Variants in CDH12 observed in about 807,000 individuals in gnomAD.
CDH12 encodes the protein cadherin 12, also known as cadherin-12.
A neutral mutation model predicts 74.1 loss-of-function variants in CDH12; 41 were observed. That is an observed-to-expected ratio of 0.55 (90% confidence interval 0.43 to 0.72). The LOEUF (loss-of-function observed/expected upper bound fraction) is 0.72. Among genes scored for constraint, CDH12 ranks in the 30% least tolerant of loss-of-function variants. CDH12 has a pLI of 0.00. For missense variants in CDH12, 945 were observed against 977.2 expected, an observed-to-expected ratio of 0.97 and a Z score of 0.44; for synonymous variants, 399 against 355.0, an observed-to-expected ratio of 1.12 and a Z score of -1.39.
chr5:22,276,490 A>G (rs758158226), intron 3 of CDH12, among the ~76,000 whole-genome samples: 1 of 152,228 alleles, frequency 6.6e-6, no homozygotes, highest in Non-Finnish European at 1.5e-5. Context: ...GTCTACTTTT[A>G]AAAACTCATC....
intron 5 of CDH12, among the ~76,000 whole-genome samples, chr5:22,051,823 TG>T (rs1489754928): frequency 6.6e-6 from 1 of 152,004 alleles, no homozygotes; most frequent in Non-Finnish European, 1.5e-5. Flanking sequence ...GAAAAAGAGC[TG>T]GACAGCCCTT....
intron 1 of CDH12, among the ~76,000 whole-genome samples, chr5:22,523,301 C>T (rs1737130636): frequency 6.6e-6 from 1 of 152,082 alleles, no homozygotes; most frequent in Non-Finnish European, 1.5e-5. Flanking sequence ...TATGCAAATT[C>T]TATATCTATA....
chr5:22,180,908 T>G (rs1749609169), intron 4 of CDH12, among the ~76,000 whole-genome samples: 1 of 152,108 alleles, frequency 6.6e-6, no homozygotes, highest in African/African-American at 2.4e-5. Context: ...AGTCACATTA[T>G]TTGTTAGACA....
intron 5 of CDH12, among the ~76,000 whole-genome samples, chr5:22,014,122 G>A (rs1737460212): frequency 6.6e-6 from 1 of 152,138 alleles, no homozygotes; most frequent in Non-Finnish European, 1.5e-5. Flanking sequence ...AGCTACTTGG[G>A]AGGCTGAAGA....
chr5:22,824,052 C>A (rs1286057665), intron 1 of CDH12, among the ~76,000 whole-genome samples: 3 of 151,930 alleles, frequency 2.0e-5, no homozygotes, highest in African/African-American at 7.3e-5. Flanking sequence ...GATAATAACT[C>A]CAAGAACATA....
chr5:22,635,900 G>A (rs1389886115), intron 1 of CDH12, among the ~76,000 whole-genome samples: 2 of 151,826 alleles, frequency 1.3e-5, no homozygotes, highest in African/African-American at 4.8e-5. Context: ...GCCACAGAAT[G>A]AGACTCCATC....
At chr5:21,782,454 G>A (rs779210672) in intron 11 of CDH12, among the ~76,000 whole-genome samples, 20 of 152,146 alleles carry the variant, frequency 1.3e-4, no homozygotes, top group Non-Finnish European at 2.4e-4. Flanking sequence ...CACTGAGTTG[G>A]ACTGATCAAA....
chr5:21,906,606 G>A (rs1753652301), intron 6 of CDH12, among the ~76,000 whole-genome samples: 1 of 152,030 alleles, frequency 6.6e-6, no homozygotes, highest in Non-Finnish European at 1.5e-5. Context: ...ACTCCCAAAA[G>A]GAGATATTAA....
At chr5:21,846,309 C>T (rs953081247) in intron 7 of CDH12, among the ~76,000 whole-genome samples, 2 of 152,120 alleles carry the variant, frequency 1.3e-5, no homozygotes, top group Admixed American at 6.5e-5. Context: ...CATTCGGGTG[C>T]CCTCTCTCTG....
At chr5:22,816,536 C>T (rs748765933) in intron 1 of CDH12, among the ~76,000 whole-genome samples, 16 of 152,132 alleles carry the variant, frequency 1.1e-4, no homozygotes, top group Non-Finnish European at 1.9e-4. Context: ...AGGAAAGTAT[C>T]TACTTTTCTT....
At chr5:22,844,966 C>G (rs1737235657) in intron 1 of CDH12, among the ~76,000 whole-genome samples, 1 of 152,080 alleles carries the variant, frequency 6.6e-6, no homozygotes. Context: ...CTTCATATAA[C>G]AAAACTGAAT....
At chr5:22,803,709 C>A (rs1448630283) in intron 1 of CDH12, among the ~76,000 whole-genome samples, 1 of 152,166 alleles carries the variant, frequency 6.6e-6, no homozygotes, top group Non-Finnish European at 1.5e-5. Context: ...ATTTATTCTC[C>A]TTTCCCTACT....
intron 4 of CDH12, among the ~76,000 whole-genome samples, chr5:22,118,905 A>T (rs1201723933): frequency 1.3e-5 from 2 of 152,130 alleles, no homozygotes; most frequent in Admixed American, 1.3e-4. Flanking sequence ...ATAGTTGAGG[A>T]TGAAGTTGTT....
chr5:22,299,049 C>T lies in CDH12; in HGVS notation c.-332-86406G>A, dbSNP rs111788420. On this transcript the variant is annotated intron_variant, in intron 3 of 14. Coordinates refer to ENST00000382254, the MANE Select transcript of CDH12 (RefSeq NM_004061.5). ...AAATGGAAACCTTAATCAGGCTGGT[C>T]AGGAAAAGACTCATTTTAGAATGTG... 3.9e-5 allele frequency among the ~76,000 whole-genome samples: 6 copies of T among 152,100 alleles called. 1 individual carries two copies. Among genetic ancestry groups the T allele is most frequent in the African/African-American group, 1.2e-4 (5 of 41,496 alleles).
chr5:22,571,349 G>A (rs558542228), intron 1 of CDH12, among the ~76,000 whole-genome samples: 5 of 150,896 alleles, frequency 3.3e-5, no homozygotes, highest in South Asian at 2.1e-4. Flanking sequence ...TTTTGGAAAC[G>A]GAATTTCACT....
intron 3 of CDH12, among the ~76,000 whole-genome samples, chr5:22,318,786 C>T (rs147400908): frequency 1.3e-5 from 2 of 152,216 alleles, no homozygotes; most frequent in Non-Finnish European, 2.9e-5. Context: ...TGTGTGTGAA[C>T]ATATTTGTCA....
intron 4 of CDH12, among the ~76,000 whole-genome samples, chr5:22,093,733 T>C (rs935024221): frequency 6.6e-6 from 1 of 152,122 alleles, no homozygotes; most frequent in Non-Finnish European, 1.5e-5. Context: ...GTAATAAAAA[T>C]TGAATTCCAT....
At chr5:22,722,166 C>G (rs777729262) in intron 1 of CDH12, among the ~76,000 whole-genome samples, 10 of 152,172 alleles carry the variant, frequency 6.6e-5, no homozygotes, top group Non-Finnish European at 1.3e-4. Context: ...ATTTGTTTCC[C>G]TACTGTTTGT....
At chr5:22,690,665 G>A (rs1366273165) in intron 1 of CDH12, among the ~76,000 whole-genome samples, 2 of 152,134 alleles carry the variant, frequency 1.3e-5, no homozygotes, top group Non-Finnish European at 2.9e-5. Flanking sequence ...CTTTTTGTAA[G>A]TTCAGGAAAA....
Sources: gnomAD v4.1 joint callset for allele counts (sites outside exome capture counted in the v4.1 genomes callset) on GRCh38, gnomAD v4.1.1 for gene constraint, MANE v1.5 for transcripts, NCBI Gene and HGNC (gene_info 2026-07-23, HGNC 2026-07-21) for gene names.